Variants in BBS9 observed in about 807,000 individuals in gnomAD.
BBS9 encodes protein PTHB1.
In BBS9, 89 loss-of-function variants were observed where a neutral mutation model predicts 117.7. The observed-to-expected ratio is 0.76, with a 90% confidence interval of 0.64 to 0.90. The LOEUF (loss-of-function observed/expected upper bound fraction) is 0.90, where lower values mean the gene tolerates loss of function less well. BBS9 is among the 40% of genes least tolerant of loss of function. BBS9 has a pLI of 0.00. For synonymous variants in BBS9, 379 were observed against 370.9 expected, an observed-to-expected ratio of 1.02 and a Z score of -0.25; for missense variants, 982 against 1,042.2, an observed-to-expected ratio of 0.94 and a Z score of 0.80.
At chr7:33,270,793 A>G (rs568132553) in intron 7 of BBS9, among the ~76,000 whole-genome samples, 2 of 152,312 alleles carry the variant, frequency 1.3e-5, no homozygotes, top group Admixed American at 1.3e-4. Flanking sequence ...CTCTCTCAGG[A>G]TATCATTCAT....
At chr7:33,452,865 A>T (rs1393634529) in intron 19 of BBS9, among the ~76,000 whole-genome samples, 2 of 152,210 alleles carry the variant, frequency 1.3e-5, no homozygotes, top group Non-Finnish European at 2.9e-5. Flanking sequence ...GGATCAAAAG[A>T]GCTTTCTGCC....
At chr7:33,565,846 A>G (rs1248789681) in intron 21 of BBS9, among the ~76,000 whole-genome samples, 10 of 123,200 alleles carry the variant, frequency 8.1e-5, no homozygotes, top group Admixed American at 5.9e-4. Context: ...TATACTGCTT[A>G]TATATATATA....
In BBS9 at chr7:33,155,602, T is replaced by C. The variant is rs371538315; in HGVS notation, c.264-36T>C. 14 of 1,446,492 alleles carry C rather than the reference T, an allele frequency of 9.7e-6. 1 individual carries two copies. The highest frequency in any genetic ancestry group is 1.2e-5 in the Non-Finnish European group (12 of 1,030,142). The allele number at this position is 1,446,492 out of a possible 1,614,324, so 89.6% of individuals were successfully genotyped here. A position where few individuals can be genotyped will look rare whatever the true frequency, so the allele number is the denominator to read the frequency against. ...ACTTTTTGGTTACGTCTAAAGCTAA[T>C]ATTGGAAAACTTTAAAAACTTTCTC... On this transcript the variant is annotated intron_variant, in intron 3 of 22. Transcript: ENST00000242067.
chr7:33,295,478 C>T (rs961414773), intron 9 of BBS9, among the ~76,000 whole-genome samples: 1 of 151,892 alleles, frequency 6.6e-6, no homozygotes. Context: ...TTCTTTTTCA[C>T]TCCTAATTCA....
chr7:33,298,909 T>C, intron 9 of BBS9, among the ~76,000 whole-genome samples: 1 of 152,216 alleles, frequency 6.6e-6, no homozygotes, highest in Non-Finnish European at 1.5e-5. Context: ...TCTTTTTCCA[T>C]CTATTGAATC....
At chr7:33,493,380 A>G (rs1844286437) in intron 19 of BBS9, among the ~76,000 whole-genome samples, 1 of 152,152 alleles carries the variant, frequency 6.6e-6, no homozygotes, top group South Asian at 2.1e-4. Flanking sequence ...GATGTGGCAC[A>G]CTACTTTTGC....
intron 5 of BBS9, among the ~76,000 whole-genome samples, chr7:33,209,074 G>A (rs79390955): frequency 0.012 from 1,897 of 151,992 alleles, 37 homozygotes; most frequent in African/African-American, 0.043. Flanking sequence ...TGTACATTTA[G>A]CCATTTCTAC....
chr7:33,532,289 C>T (rs1367554808), intron 20 of BBS9, among the ~76,000 whole-genome samples: 1 of 152,172 alleles, frequency 6.6e-6, no homozygotes, highest in Non-Finnish European at 1.5e-5. Context: ...GAACAGAATA[C>T]AGTGGAGCAA....
At chr7:33,296,150 T>C (rs1805229803) in intron 9 of BBS9, among the ~76,000 whole-genome samples, 1 of 152,108 alleles carries the variant, frequency 6.6e-6, no homozygotes, top group African/African-American at 2.4e-5. Flanking sequence ...TTTAACTAGC[T>C]TAAAAAACCC....
intron 12 of BBS9, chr7:33,346,133 CACACAGCAG>C: frequency 2.9e-6 from 1 of 348,388 alleles, no homozygotes; most frequent in Non-Finnish European, 5.8e-6. Flanking sequence ...TGGTGGGACT[CACACAGCAG>C]ACACAATGTC....
chr7:33,449,792 A>G (rs1451979000), intron 19 of BBS9, among the ~76,000 whole-genome samples: 1 of 152,188 alleles, frequency 6.6e-6, no homozygotes, highest in Non-Finnish European at 1.5e-5. Context: ...AAATTGTATC[A>G]TTCTTGGCCA....
chr7:33,242,582 G>A (rs1375033090), intron 5 of BBS9, among the ~76,000 whole-genome samples: 1 of 151,596 alleles, frequency 6.6e-6, no homozygotes, highest in African/African-American at 2.4e-5. Flanking sequence ...GTACTGCTTT[G>A]AACAAACATT....
At chr7:33,326,535 C>T (rs867507818) in intron 9 of BBS9, among the ~76,000 whole-genome samples, 8 of 152,122 alleles carry the variant, frequency 5.3e-5, no homozygotes, top group Non-Finnish European at 1.0e-4. Flanking sequence ...TCTTCTCTCT[C>T]CTTTTCTGAA....
At chr7:33,131,181 C>A (rs977472742) in intron 1 of BBS9, among the ~76,000 whole-genome samples, 7 of 152,162 alleles carry the variant, frequency 4.6e-5, no homozygotes, top group African/African-American at 1.7e-4. Flanking sequence ...GAACACACTA[C>A]CACCGTCTCT....
At chr7:33,144,067 A>T (rs1791963826) in intron 1 of BBS9, among the ~76,000 whole-genome samples, 1 of 151,874 alleles carries the variant, frequency 6.6e-6, no homozygotes, top group South Asian at 2.1e-4. Context: ...TCACAACACC[A>T]CTCTTACCTT....
chr7:33,570,330 A>C (rs543137613), intron 21 of BBS9, among the ~76,000 whole-genome samples: 81 of 152,350 alleles, frequency 5.3e-4, no homozygotes, highest in African/African-American at 1.9e-3. Flanking sequence ...CAACAGCCAA[A>C]GCTGGAACAA....
chr7:33,507,590 A>G lies in BBS9; in HGVS notation c.2298+1945A>G, dbSNP rs115931838. On this transcript the variant is annotated intron_variant, in intron 20 of 22. Transcript: ENST00000242067. ...GTTATTTGTCCATCTTCACAACTACACTTAAGAATGATAATATCTTATTCC... is the reference window on the plus strand; with the variant it reads ...GTTATTTGTCCATCTTCACAACTACGCTTAAGAATGATAATATCTTATTCC... Among the ~76,000 whole-genome samples, 981 of 152,266 alleles carry G rather than the reference A, an allele frequency of 6.4e-3. 12 individuals carry two copies. Among genetic ancestry groups the G allele is most frequent in the African/African-American group, 0.023 (937 of 41,558 alleles).
intron 2 of BBS9, among the ~76,000 whole-genome samples, chr7:33,150,562 G>A (rs1157234679): frequency 6.6e-6 from 1 of 152,146 alleles, no homozygotes; most frequent in Non-Finnish European, 1.5e-5. Flanking sequence ...CTCAAATACT[G>A]AAGGAGCTGA....
At chr7:33,547,389 G>A (rs1413373155) in intron 21 of BBS9, among the ~76,000 whole-genome samples, 1 of 152,162 alleles carries the variant, frequency 6.6e-6, no homozygotes, top group Non-Finnish European at 1.5e-5. Context: ...CAAGATGAGA[G>A]TGCCAAAATC....
Sources: gnomAD v4.1 joint callset for allele counts (sites outside exome capture counted in the v4.1 genomes callset) on GRCh38, gnomAD v4.1.1 for gene constraint, MANE v1.5 for transcripts, NCBI Gene and HGNC (gene_info 2026-07-23, HGNC 2026-07-21) for gene names.